Variants in B2M observed in about 807,000 individuals in gnomAD.
B2M encodes beta-2-microglobulin, also known as beta chain of MHC class I molecules.
A neutral mutation model predicts 14.5 loss-of-function variants in B2M; 3 were observed. The ratio of observed to expected loss-of-function variants is 0.21; its 90% CI spans 0.09 to 0.53. B2M has a LOEUF of 0.53. B2M is among the 20% of genes least tolerant of loss of function. B2M has a pLI of 0.95. For missense variants in B2M, 107 were observed against 140.8 expected, an observed-to-expected ratio of 0.76 and a Z score of 1.21; for synonymous variants, 45 against 52.7, an observed-to-expected ratio of 0.85 and a Z score of 0.64.
intron 1 of B2M, 40 bp downstream of exon 1, chr15:44,711,653 C>T (rs1286724522): frequency 6.3e-7 from 1 of 1,584,292 alleles, no homozygotes; most frequent in African/African-American, 1.3e-5. Flanking sequence ...CCTTCCTCTC[C>T]CGCTCTGCAC....
chr15:44,716,684 T>G (rs554970182), intron 3 of B2M: 3 of 409,046 alleles, frequency 7.3e-6, no homozygotes, highest in Admixed American at 4.0e-5. Context: ...TGGACATCTC[T>G]GCTGAGGAGA....
In B2M at chr15:44,715,552, T is replaced by A. The variant is rs928269033; in HGVS notation, c.197T>A (p.Ile66Asn). Residue 66 changes from isoleucine to asparagine, a missense_variant, in exon 2 of 4, where the codon ATT becomes AAT. Physicochemically the swap from Ile to Asn is moderately radical, Grantham distance 149. Transcript: ENST00000648006. Reference sequence around the variant, plus strand: ...GACTTACTGAAGAATGGAGAGAGAATTGAAAAAGTGGAGCATTCAGACTTG... The same window carrying A: ...GACTTACTGAAGAATGGAGAGAGAAATGAAAAAGTGGAGCATTCAGACTTG... ...EVDLLKNGER[I>N]EKVEHSDLSF... 10 of 1,614,160 alleles carry A rather than the reference T, an allele frequency of 6.2e-6. No individual in the cohort carries two copies. Among genetic ancestry groups the A allele is most frequent in the Non-Finnish European group, 8.5e-6 (10 of 1,180,012 alleles).
intron 3 of B2M, chr15:44,717,178 C>G (rs973902059): frequency 6.6e-6 from 1 of 152,188 alleles, no homozygotes. Flanking sequence ...AATGCTTACA[C>G]AAACCTAGGT....
intron 1 of B2M, chr15:44,713,266 G>A (rs2086907538): frequency 6.6e-6 from 1 of 152,082 alleles, no homozygotes; most frequent in Non-Finnish European, 1.5e-5. Flanking sequence ...CAACATAAAG[G>A]ATAATGTATA....
At chr15:44,711,983 G>A in intron 1 of B2M, 1 of 420,558 alleles carries the variant, frequency 2.4e-6, no homozygotes, top group Non-Finnish European at 4.5e-6. Context: ...AGCTGGAGTG[G>A]GGGACGGGTA....
At chr15:44,712,318 T>C (rs149376177) in intron 1 of B2M, among the ~76,000 whole-genome samples, 2 of 152,370 alleles carry the variant, frequency 1.3e-5, no homozygotes, top group East Asian at 1.9e-4. Flanking sequence ...TATTGACATC[T>C]TTCTGTGTGC....
intron 3 of B2M, chr15:44,716,753 G>A: frequency 4.1e-6 from 1 of 241,152 alleles, no homozygotes; most frequent in Non-Finnish European, 8.2e-6. Context: ...ACAGAAGAGA[G>A]GAGTTATACA....
intron 2 of B2M, 135 bp from the exon 3 acceptor site, chr15:44,716,194 A>G: frequency 1.9e-6 from 2 of 1,026,746 alleles, no homozygotes; most frequent in Admixed American, 4.0e-5. Flanking sequence ...AGCTCTAAAC[A>G]ATGTATTCAT....
rs1468085840 is a variant in B2M, at chr15:44,718,019, A to G, written c.*427A>G. ...TTGACAGGATTATTGGAAATTTGTT[A>G]TAATGAATGAAACATTTTGTCATAT... On this transcript the variant is annotated 3_prime_UTR_variant, in exon 4 of 4. Coordinates refer to ENST00000648006, the MANE Select transcript of B2M (RefSeq NM_004048.4). The G allele has an allele frequency of 1.3e-5, 2 of 152,252 alleles. No homozygotes were observed. Among genetic ancestry groups the G allele is most frequent in the African/African-American group, 4.8e-5 (2 of 41,466 alleles). The allele number at this position is 152,252 out of a possible 1,614,324, so 9.4% of individuals were successfully genotyped here. A position where few individuals can be genotyped will look rare whatever the true frequency, so the allele number is the denominator to read the frequency against.
intron 2 of B2M, 78 bp downstream of exon 2, chr15:44,715,779 A>C: frequency 6.4e-7 from 1 of 1,563,480 alleles, no homozygotes; most frequent in South Asian, 1.1e-5. Context: ...TGATATAAAA[A>C]AGGTCTATGG....
intron 2 of B2M, chr15:44,715,929 T>A (rs2086936368): frequency 3.1e-6 from 2 of 651,430 alleles, no homozygotes; most frequent in Non-Finnish European, 2.7e-6. Flanking sequence ...ACCAGTAGTT[T>A]CCCTGCAGTT....
intron 3 of B2M, 114 bp downstream of exon 3, chr15:44,716,470 T>C: frequency 8.4e-7 from 1 of 1,193,560 alleles, no homozygotes; most frequent in Non-Finnish European, 1.2e-6. Context: ...AGTAACATTT[T>C]AGCAGGGAAA....
intron 1 of B2M, chr15:44,711,915 G>A: frequency 1.8e-6 from 1 of 550,684 alleles, no homozygotes; most frequent in South Asian, 2.0e-5. Context: ...TCAGAGCGCC[G>A]AGGTTGGGGG....
chr15:44,712,757 G>A (rs36006859), intron 1 of B2M: 1 of 152,326 alleles, frequency 6.6e-6, no homozygotes, highest in African/African-American at 2.4e-5. Context: ...CCAGCACTTA[G>A]GGAGGCCGAG....
intron 3 of B2M, chr15:44,717,339 A>C (rs915786317): frequency 4.6e-5 from 7 of 152,244 alleles, no homozygotes; most frequent in Non-Finnish European, 8.8e-5. Context: ...TGCAGTAAAA[A>C]TATGCTATTT....
At chr15:44,716,434 C>T in intron 3 of B2M, 78 bp downstream of exon 3, 1 of 1,384,344 alleles carries the variant, frequency 7.2e-7, no homozygotes, top group Non-Finnish European at 1.0e-6. Context: ...ACATGATAAC[C>T]CTCACTATGT....
intron 2 of B2M, chr15:44,715,961 C>T (rs1026466286): frequency 1.6e-6 from 1 of 619,636 alleles, no homozygotes; most frequent in Non-Finnish European, 2.9e-6. Flanking sequence ...AGCAGCAGCA[C>T]TTGCACAAAT....
At chr15:44,716,756 G>A (rs920633746) in intron 3 of B2M, 4 of 236,172 alleles carry the variant, frequency 1.7e-5, no homozygotes, top group Admixed American at 1.0e-4. Context: ...GAAGAGAGGA[G>A]TTATACAGCT....
At chr15:44,716,155 C>T (rs1595999827) in intron 2 of B2M, 174 bp from the exon 3 acceptor site, 1 of 708,026 alleles carries the variant, frequency 1.4e-6, no homozygotes. Context: ...GTATCTGAGG[C>T]TAGTAGGAAG....
Sources: gnomAD v4.1 joint callset for allele counts (sites outside exome capture counted in the v4.1 genomes callset) on GRCh38, gnomAD v4.1.1 for gene constraint, MANE v1.5 for transcripts, NCBI Gene and HGNC (gene_info 2026-07-23, HGNC 2026-07-21) for gene names.